The following HYAL4 variants were observed in gnomAD, a reference collection of about 807,000 sequenced individuals.
HYAL4 encodes hyaluronidase 4.
In HYAL4, 37 loss-of-function variants were observed where a neutral mutation model predicts 35.2. The ratio of observed to expected loss-of-function variants is 1.05; its 90% CI spans 0.81 to 1.38. The LOEUF (loss-of-function observed/expected upper bound fraction) is 1.38. Ranked by LOEUF, HYAL4 falls within the 40% of genes most tolerant of loss-of-function variation. The pLI, the probability that HYAL4 is intolerant of heterozygous loss-of-function variation, is 0.00. For missense variants in HYAL4, 572 were observed against 572.4 expected, an observed-to-expected ratio of 1.00 and a Z score of 0.01; for synonymous variants, 198 against 203.2, an observed-to-expected ratio of 0.97 and a Z score of 0.22.
the HYAL4 span, among the ~76,000 whole-genome samples, chr7:123,800,575 A>G: frequency 6.6e-6 from 1 of 152,044 alleles, no homozygotes; most frequent in Non-Finnish European, 1.5e-5. Flanking sequence ...TTAGAATGCA[A>G]TCACTTCATT....
At chr7:123,777,395 A>G in the HYAL4 span, among the ~76,000 whole-genome samples, 5 of 152,192 alleles carry the variant, frequency 3.3e-5, no homozygotes, top group Non-Finnish European at 4.4e-5. Context: ...AAAATTATTC[A>G]TATGATTCTT....
chr7:123,766,581 G>C, the HYAL4 span, among the ~76,000 whole-genome samples: 1 of 152,050 alleles, frequency 6.6e-6, no homozygotes, highest in African/African-American at 2.4e-5. Flanking sequence ...CTTAATGGAA[G>C]ATTTTATAAG....
intron 1 of HYAL4, among the ~76,000 whole-genome samples, chr7:123,836,394 G>A (rs1299547652): frequency 1.3e-5 from 2 of 152,106 alleles, no homozygotes; most frequent in Admixed American, 1.3e-4. Flanking sequence ...TATAAGGATA[G>A]CTACTCCTGC....
the HYAL4 span, among the ~76,000 whole-genome samples, chr7:123,790,234 C>T: frequency 6.6e-6 from 1 of 152,150 alleles, no homozygotes; most frequent in Non-Finnish European, 1.5e-5. Context: ...TAAAGTCTTT[C>T]CTTTGCTTAC....
intron 1 of HYAL4, among the ~76,000 whole-genome samples, chr7:123,835,207 C>G (rs1805946117): frequency 6.6e-6 from 1 of 150,774 alleles, no homozygotes; most frequent in African/African-American, 2.4e-5. Flanking sequence ...TCTGTCTGGT[C>G]CTGGACTTTT....
upstream of HYAL4, among the ~76,000 whole-genome samples, chr7:123,840,528 T>G (rs1426770695): frequency 6.6e-6 from 1 of 152,012 alleles, no homozygotes; most frequent in Non-Finnish European, 1.5e-5. Flanking sequence ...TTGAAGAAAG[T>G]CATTGGTAGC....
the HYAL4 span, among the ~76,000 whole-genome samples, chr7:123,801,558 A>G: frequency 6.6e-6 from 1 of 151,502 alleles, no homozygotes; most frequent in African/African-American, 2.5e-5. Flanking sequence ...CAAAATACGA[A>G]AACCTATTCT....
At position 123,877,438 on chromosome 7, in the gene HYAL4, C is replaced by A; in HGVS notation, c.*283C>A. 1.5e-5 allele frequency: 4 copies of A among 262,980 alleles called. No individual in the cohort carries two copies. The highest frequency in any genetic ancestry group is 7.2e-5 in the East Asian group (1 of 13,874). The allele number at this position is 262,980 out of a possible 1,614,324, so 16.3% of individuals were successfully genotyped here. On this transcript the variant is annotated 3_prime_UTR_variant, in exon 5 of 5. Coordinates refer to ENST00000223026, the MANE Select transcript of HYAL4 (RefSeq NM_012269.3). Reference sequence around the variant, plus strand: ...TTTAGTCTTTTCATGAATGTACATACATAAAATTATACATAAAAATATTAA... The same window carrying A: ...TTTAGTCTTTTCATGAATGTACATAAATAAAATTATACATAAAAATATTAA...
chr7:123,778,709 TAAGATGG>T, the HYAL4 span, among the ~76,000 whole-genome samples: 1 of 152,296 alleles, frequency 6.6e-6, no homozygotes, highest in Non-Finnish European at 1.5e-5. Flanking sequence ...CCAGCTTGAT[TAAGATGG>T]TGTCCACAGA....
At chr7:123,826,100 TTA>T (rs1372704343), upstream of HYAL4, among the ~76,000 whole-genome samples, 3 of 152,164 alleles carry the variant, frequency 2.0e-5, no homozygotes, top group Non-Finnish European at 4.4e-5. Flanking sequence ...AGATTTAAAA[TTA>T]GAAGCTAATT....
At chr7:123,870,401 C>T (rs1044766188) in intron 3 of HYAL4, among the ~76,000 whole-genome samples, 4 of 152,080 alleles carry the variant, frequency 2.6e-5, no homozygotes, top group African/African-American at 7.2e-5. Flanking sequence ...ATTCATACCA[C>T]CCAGAAAAAT....
At position 123,868,254 on chromosome 7, in the gene HYAL4, CG is replaced by C; in HGVS notation, c.-19del. On this transcript the variant is annotated 5_prime_UTR_variant, in exon 3 of 5. Transcript: ENST00000223026. ...TAGAGTGCACTAAAGCAGAAGATAA[CG>C]TAACATTTTTATCTTACCATGAAAG... 7.2e-7 allele frequency: 1 copy of C among 1,383,318 alleles called. No homozygotes were observed. The highest frequency in any genetic ancestry group is 9.8e-7 in the Non-Finnish European group (1 of 1,022,692). 85.7% of individuals were successfully genotyped at this position (1,383,318 alleles called of 1,614,324 possible). A position where few individuals can be genotyped will look rare whatever the true frequency, so the allele number is the denominator to read the frequency against.
At chr7:123,784,424 G>A in the HYAL4 span, among the ~76,000 whole-genome samples, 1 of 152,142 alleles carries the variant, frequency 6.6e-6, no homozygotes, top group Non-Finnish European at 1.5e-5. Context: ...CTCACTTAAT[G>A]ACCAGCCAAA....
At chr7:123,779,078 A>G in the HYAL4 span, among the ~76,000 whole-genome samples, 1 of 152,204 alleles carries the variant, frequency 6.6e-6, no homozygotes, top group Non-Finnish European at 1.5e-5. Flanking sequence ...CCATGTTAAT[A>G]TGTAAGAGGC....
intron 1 of HYAL4, among the ~76,000 whole-genome samples, chr7:123,829,932 G>A (rs539095064): frequency 1.1e-3 from 163 of 152,310 alleles, no homozygotes; most frequent in African/African-American, 3.2e-3. Flanking sequence ...TGATTAGGGA[G>A]TGTGAGAGAA....
Position 123,877,061 on chromosome 7 carries a change from C to T in HYAL4, c.1352C>T (p.Thr451Met), listed in dbSNP as rs770834740. The change falls in exon 5 of 5, where the codon ACG (threonine) becomes ATG (methionine). Residue 451 changes from threonine to methionine, a missense_variant. Thr to Met is a moderately conservative substitution (Grantham distance 81, BLOSUM62 -1). Transcript: ENST00000223026. Reference protein sequence around the residue: ...YEGADCREIKTADGCSGVSPS... With the variant: ...YEGADCREIKMADGCSGVSPS... Reference sequence around the variant, plus strand: ...GGAGCTGATTGCAGAGAAATAAAGACGGCTGATGGCTGCTCTGGGGTTTCC... The same window carrying T: ...GGAGCTGATTGCAGAGAAATAAAGATGGCTGATGGCTGCTCTGGGGTTTCC... The T allele has an allele frequency of 2.6e-5, 42 of 1,614,082 alleles. No homozygotes were observed. Among genetic ancestry groups the T allele is most frequent in the African/African-American group, 6.7e-5 (5 of 74,942 alleles).
intron 4 of HYAL4, chr7:123,876,152 A>G: frequency 2.4e-6 from 1 of 423,908 alleles, no homozygotes; most frequent in Non-Finnish European, 4.7e-6. Context: ...TTACTTAGCC[A>G]TATAGGTTTT....
chr7:123,846,266 G>C (rs1313464680), intron 1 of HYAL4, among the ~76,000 whole-genome samples: 1 of 152,004 alleles, frequency 6.6e-6, no homozygotes, highest in East Asian at 1.9e-4. Context: ...GACCATCAGG[G>C]GGGCAGGGCT....
At chr7:123,820,132 A>G in the HYAL4 span, among the ~76,000 whole-genome samples, 2 of 151,866 alleles carry the variant, frequency 1.3e-5, no homozygotes, top group African/African-American at 4.8e-5. Flanking sequence ...GCCTTAAGCT[A>G]TCTGCCCGCC....
Sources: allele counts gnomAD v4.1 joint callset (sites outside exome capture counted in the v4.1 genomes callset), GRCh38; gene constraint gnomAD v4.1.1; transcripts MANE v1.5; gene names NCBI Gene and HGNC (gene_info 2026-07-23, HGNC 2026-07-21).